RAB38: variants seen among roughly 807,000 people sequenced by gnomAD.
RAB38 encodes the protein RAB38, member RAS oncogene family, also known as ras-related protein Rab-38.
In RAB38, 15 loss-of-function variants were observed where a neutral mutation model predicts 18.4. That is an observed-to-expected ratio of 0.82 (90% CI 0.55 to 1.26). RAB38 has a LOEUF of 1.26. Ranked by LOEUF, RAB38 falls within the 50% of genes most tolerant of loss-of-function variation. RAB38 has a pLI of 0.00. For missense variants in RAB38, 294 were observed against 267.4 expected, an observed-to-expected ratio of 1.10 and a Z score of -0.69; for synonymous variants, 101 against 104.4, an observed-to-expected ratio of 0.97 and a Z score of 0.20.
the RAB38 span, among the ~76,000 whole-genome samples, chr11:88,029,906 C>G: frequency 6.6e-6 from 1 of 152,106 alleles, no homozygotes; most frequent in African/African-American, 2.4e-5. Context: ...AACTCTCCAC[C>G]CCAAATCAAC....
chr11:87,857,411 T>C, the RAB38 span, among the ~76,000 whole-genome samples: 18 of 152,206 alleles, frequency 1.2e-4, no homozygotes, highest in Non-Finnish European at 2.2e-4. Context: ...ATGGTATTTC[T>C]AGTTCTAGAT....
the RAB38 span, among the ~76,000 whole-genome samples, chr11:87,841,519 T>C: frequency 6.6e-6 from 1 of 152,340 alleles, no homozygotes; most frequent in South Asian, 2.1e-4. Flanking sequence ...TTTGTCTCAA[T>C]TTTATTTGCC....
chr11:88,142,020 T>C (rs190332848), intron 2 of RAB38, among the ~76,000 whole-genome samples: 3 of 152,192 alleles, frequency 2.0e-5, no homozygotes, highest in African/African-American at 7.2e-5. Flanking sequence ...TTCTGATGGA[T>C]GGTCCTTGCC....
chr11:88,056,129 CTGA>C, the RAB38 span, among the ~76,000 whole-genome samples: 3 of 152,104 alleles, frequency 2.0e-5, no homozygotes, highest in Non-Finnish European at 4.4e-5. Context: ...TGTTCATCAT[CTGA>C]TTAGTATGGT....
chr11:87,825,422 G>A, the RAB38 span, among the ~76,000 whole-genome samples: 1 of 152,082 alleles, frequency 6.6e-6, no homozygotes, highest in Non-Finnish European at 1.5e-5. Context: ...GGTGCCAGCA[G>A]GGTTGGCTTC....
the RAB38 span, among the ~76,000 whole-genome samples, chr11:88,055,555 G>A: frequency 6.6e-6 from 1 of 152,244 alleles, no homozygotes; most frequent in South Asian, 2.1e-4. Flanking sequence ...CATTCTATCT[G>A]CAAAGTGTAG....
the RAB38 span, among the ~76,000 whole-genome samples, chr11:88,045,547 C>A: frequency 2.0e-5 from 3 of 152,202 alleles, no homozygotes; most frequent in East Asian, 5.8e-4. Context: ...CTGTGCAGGA[C>A]CCCACTGGAA....
the RAB38 span, among the ~76,000 whole-genome samples, chr11:87,928,417 C>T: frequency 1.5e-4 from 23 of 151,940 alleles, no homozygotes; most frequent in Admixed American, 1.3e-3. Flanking sequence ...TGATATATAC[C>T]TCTTATAACA....
At chr11:88,137,801 A>C (rs889938292) in intron 2 of RAB38, among the ~76,000 whole-genome samples, 1 of 152,252 alleles carries the variant, frequency 6.6e-6, no homozygotes, top group Non-Finnish European at 1.5e-5. Flanking sequence ...AAACTACCAG[A>C]CAAAAGAAAA....
the RAB38 span, among the ~76,000 whole-genome samples, chr11:87,804,509 A>C: frequency 6.6e-6 from 1 of 151,126 alleles, no homozygotes; most frequent in Non-Finnish European, 1.5e-5. Flanking sequence ...ATTTTATACA[A>C]CCCTGTGAGG....
the RAB38 span, among the ~76,000 whole-genome samples, chr11:87,954,372 T>C: frequency 6.6e-6 from 1 of 152,162 alleles, no homozygotes; most frequent in South Asian, 2.1e-4. Flanking sequence ...AGTTTGGAAA[T>C]GTTCCAGATA....
the RAB38 span, among the ~76,000 whole-genome samples, chr11:87,957,337 T>C: frequency 6.6e-6 from 1 of 152,014 alleles, no homozygotes; most frequent in African/African-American, 2.4e-5. Context: ...AGGTAATAAC[T>C]TTTTCTCATC....
chr11:87,855,294 A>T, the RAB38 span, among the ~76,000 whole-genome samples: 1 of 152,180 alleles, frequency 6.6e-6, no homozygotes, highest in Non-Finnish European at 1.5e-5. Flanking sequence ...ATGCTTCCAT[A>T]GAGTCTTCAG....
intron 1 of RAB38, 35 bp from the exon 2 acceptor site, chr11:88,149,990 T>C (rs779386796): frequency 1.4e-5 from 22 of 1,577,502 alleles, no homozygotes; most frequent in Middle Eastern, 1.7e-4. Context: ...AAAAATGTAT[T>C]AAAATTGCAA....
chr11:88,093,487 GAA>G, the RAB38 span, among the ~76,000 whole-genome samples: 426 of 150,954 alleles, frequency 2.8e-3, no homozygotes, highest in African/African-American at 9.8e-3. Context: ...TGTATAGTTT[GAA>G]AAAAAAAATT....
chr11:88,013,112 T>G, the RAB38 span, among the ~76,000 whole-genome samples: 1 of 152,192 alleles, frequency 6.6e-6, no homozygotes, highest in African/African-American at 2.4e-5. Flanking sequence ...CATTAAAGTT[T>G]ATTTATCTCA....
chr11:87,847,408 T>C, the RAB38 span, among the ~76,000 whole-genome samples: 2 of 152,074 alleles, frequency 1.3e-5, no homozygotes, highest in African/African-American at 2.4e-5. Flanking sequence ...TGAAACAGAT[T>C]TCTTAAGACA....
At chr11:88,174,554 G>T (rs1249516025) in intron 1 of RAB38, among the ~76,000 whole-genome samples, 2 of 149,036 alleles carry the variant, frequency 1.3e-5, no homozygotes, top group Non-Finnish European at 3.0e-5. Flanking sequence ...CAGAAAGAGA[G>T]GGAGAAAGAA....
At chr11:87,864,590 ATAT>A in the RAB38 span, among the ~76,000 whole-genome samples, 3 of 151,802 alleles carry the variant, frequency 2.0e-5, no homozygotes, top group South Asian at 6.2e-4. Context: ...AGCAAATGTA[ATAT>A]TTTATCCTTT....
Sources: gnomAD v4.1 joint callset for allele counts (sites outside exome capture counted in the v4.1 genomes callset) on GRCh38, gnomAD v4.1.1 for gene constraint, MANE v1.5 for transcripts, NCBI Gene and HGNC (gene_info 2026-07-23, HGNC 2026-07-21) for gene names.